NRG1: variants seen among roughly 807,000 people sequenced by gnomAD.
NRG1 encodes pro-neuregulin-1, membrane-bound isoform.
NRG1 carries 18 observed loss-of-function variants against 63.8 expected under a neutral mutation model. The ratio of observed to expected loss-of-function variants is 0.28; its 90% confidence interval spans 0.19 to 0.42. The LOEUF (loss-of-function observed/expected upper bound fraction) is 0.42, where lower values mean the gene tolerates loss of function less well. Ranked by LOEUF, NRG1 falls within the 10% of genes least tolerant of loss-of-function variation. The probability of loss-of-function intolerance (pLI) is 1.00; values close to 1 mark genes in which losing one functional copy is unlikely to be tolerated. For missense variants in NRG1, 762 were observed against 814.7 expected (o/e 0.94, Z 0.79); for synonymous variants, 302 against 301.3 (o/e 1.00, Z -0.02).
chr8:32,752,784 C>T (rs1444969055), intron 7 of NRG1, among the ~76,000 whole-genome samples: 2 of 152,072 alleles, frequency 1.3e-5, no homozygotes, highest in Non-Finnish European at 2.9e-5. Context: ...TTTTTGTATA[C>T]TCTATGCAGC....
intron 1 of NRG1, among the ~76,000 whole-genome samples, chr8:32,019,291 G>C (rs1816068289): frequency 6.6e-6 from 1 of 152,140 alleles, no homozygotes; most frequent in Non-Finnish European, 1.5e-5. Context: ...GTACAGACGG[G>C]TTTTCACCAT....
chr8:32,201,202 C>A (rs553932945), intron 1 of NRG1, among the ~76,000 whole-genome samples: 3 of 152,136 alleles, frequency 2.0e-5, no homozygotes, highest in Non-Finnish European at 4.4e-5. Flanking sequence ...TGGTTAGCTT[C>A]TTTTCTTTAA....
chr8:31,754,061 T>C (rs1816733171), intron 1 of NRG1, among the ~76,000 whole-genome samples: 1 of 152,258 alleles, frequency 6.6e-6, no homozygotes, highest in East Asian at 1.9e-4. Context: ...ACATTCCTGG[T>C]ATGAAAATAT....
intron 1 of NRG1, among the ~76,000 whole-genome samples, chr8:31,871,620 T>G (rs1425232218): frequency 6.6e-6 from 1 of 152,120 alleles, no homozygotes; most frequent in Non-Finnish European, 1.5e-5. Flanking sequence ...ACTAAAAAAC[T>G]GTGGTTCTTA....
intron 1 of NRG1, among the ~76,000 whole-genome samples, chr8:31,857,610 T>C (rs1283556888): frequency 6.6e-6 from 1 of 152,238 alleles, no homozygotes; most frequent in Non-Finnish European, 1.5e-5. Context: ...ACCAGAGCTG[T>C]TCCTATTCGG....
chr8:32,143,982 A>G (rs1836580429), intron 1 of NRG1, among the ~76,000 whole-genome samples: 1 of 152,180 alleles, frequency 6.6e-6, no homozygotes, highest in Admixed American at 6.5e-5. Flanking sequence ...TTTAGCGTCA[A>G]TTTCTCCTCC....
At chr8:32,589,661 C>G (rs1842183249) in intron 1 of NRG1, among the ~76,000 whole-genome samples, 1 of 152,164 alleles carries the variant, frequency 6.6e-6, no homozygotes, top group African/African-American at 2.4e-5. Flanking sequence ...AACAACTTAC[C>G]TAGTGTCACA....
chr8:32,128,688 T>G (rs567904655), intron 1 of NRG1, among the ~76,000 whole-genome samples: 1 of 152,016 alleles, frequency 6.6e-6, no homozygotes, highest in African/African-American at 2.4e-5. Flanking sequence ...AGCCAGCGTG[T>G]TTTTTCTCAA....
chr8:31,725,753 T>C (rs1424062569), intron 1 of NRG1, among the ~76,000 whole-genome samples: 6 of 152,212 alleles, frequency 3.9e-5, no homozygotes, highest in Non-Finnish European at 7.3e-5. Context: ...TAAATACTTT[T>C]CACAATTTAC....
In NRG1 at chr8:32,479,519, C is replaced by A. The variant is rs375669791; in HGVS notation, c.38-116309C>A. 1.6e-3 allele frequency among the ~76,000 whole-genome samples: 247 copies of A among 152,002 alleles called. 4 individuals are homozygous for A. In the South Asian group the frequency reaches 0.037, roughly 23 times the overall value. ...AATTCATTAAACTGAACAAATTGAGCCCAATTTATTTGTCATAGTTCAAAG... is the reference window on the plus strand; with the variant it reads ...AATTCATTAAACTGAACAAATTGAGACCAATTTATTTGTCATAGTTCAAAG... On this transcript the variant is annotated intron_variant, in intron 1 of 10. Transcript: ENST00000519301.
chr8:31,673,704 T>C (rs756208455), intron 1 of NRG1, among the ~76,000 whole-genome samples: 21 of 152,170 alleles, frequency 1.4e-4, no homozygotes, highest in Non-Finnish European at 2.4e-4. Context: ...TCAAGTTTTC[T>C]AGAAGCATGA....
intron 1 of NRG1, among the ~76,000 whole-genome samples, chr8:32,069,769 G>A (rs750181473): frequency 3.9e-4 from 59 of 152,256 alleles, no homozygotes; most frequent in African/African-American, 1.4e-3. Context: ...TTGGCAGACT[G>A]AGGGGCACTC....
At chr8:32,652,357 G>A (rs952911356) in intron 5 of NRG1, among the ~76,000 whole-genome samples, 1 of 152,060 alleles carries the variant, frequency 6.6e-6, no homozygotes, top group Non-Finnish European at 1.5e-5. Context: ...TCTGAAAACA[G>A]CATGGGTTGC....
chr8:32,476,397 C>A (rs1232093018), intron 1 of NRG1, among the ~76,000 whole-genome samples: 1 of 152,178 alleles, frequency 6.6e-6, no homozygotes, highest in African/African-American at 2.4e-5. Flanking sequence ...TGCTCATAGG[C>A]ATCAAGAATA....
intron 1 of NRG1, among the ~76,000 whole-genome samples, chr8:32,317,365 G>T (rs374666076): frequency 1.3e-5 from 2 of 152,180 alleles, no homozygotes; most frequent in Non-Finnish European, 2.9e-5. Flanking sequence ...AATAGATGGA[G>T]ATCTACATTT....
chr8:32,019,349 T>C (rs1816080625), intron 1 of NRG1, among the ~76,000 whole-genome samples: 1 of 152,180 alleles, frequency 6.6e-6, no homozygotes, highest in Non-Finnish European at 1.5e-5. Flanking sequence ...CTGCTCGCCT[T>C]GGCCTCCCAA....
chr8:32,378,342 T>C (rs868756576), intron 1 of NRG1, among the ~76,000 whole-genome samples: 13 of 152,114 alleles, frequency 8.5e-5, no homozygotes, highest in Admixed American at 3.9e-4. Flanking sequence ...GAATAAAACA[T>C]CCTATATTCA....
At chr8:32,223,690 C>T (rs1447242020) in intron 1 of NRG1, among the ~76,000 whole-genome samples, 3 of 152,150 alleles carry the variant, frequency 2.0e-5, no homozygotes, top group Non-Finnish European at 2.9e-5. Context: ...GTCAACTGTA[C>T]GTGAACATGA....
chr8:32,455,418 A>T (rs998735602), intron 1 of NRG1, among the ~76,000 whole-genome samples: 1 of 152,194 alleles, frequency 6.6e-6, no homozygotes, highest in Non-Finnish European at 1.5e-5. Flanking sequence ...ATTCCAAATT[A>T]TCTTTCATGG....
Sources: gnomAD v4.1 joint callset for allele counts (sites outside exome capture counted in the v4.1 genomes callset) on GRCh38, gnomAD v4.1.1 for gene constraint, MANE v1.5 for transcripts, NCBI Gene and HGNC (gene_info 2026-07-23, HGNC 2026-07-21) for gene names.